Variants in NPAS1 observed in about 807,000 individuals in gnomAD.
NPAS1 encodes the protein neuronal PAS domain protein 1.
NPAS1 carries 29 observed loss-of-function variants against 49.2 expected under a neutral mutation model. The ratio of observed to expected loss-of-function variants is 0.59; its 90% CI spans 0.44 to 0.80. The LOEUF is 0.80. Ranked by LOEUF, NPAS1 falls within the 30% of genes least tolerant of loss-of-function variation. The pLI is 0.00. For synonymous variants in NPAS1, 408 were observed against 380.4 expected, an observed-to-expected ratio of 1.07 and a Z score of -0.84; for missense variants, 825 against 835.5, an observed-to-expected ratio of 0.99 and a Z score of 0.15.
intron 3 of NPAS1, among the ~76,000 whole-genome samples, chr19:47,024,456 T>G (rs752002182): frequency 2.4e-4 from 36 of 152,040 alleles, no homozygotes; most frequent in Non-Finnish European, 4.9e-4. Flanking sequence ...GTTCGAGACC[T>G]GCCTCGGCAA....
chr19:47,035,168 C>T (rs1319008430), intron 5 of NPAS1, among the ~76,000 whole-genome samples: 1 of 129,326 alleles, frequency 7.7e-6, no homozygotes, highest in Non-Finnish European at 1.8e-5. Flanking sequence ...GCAACAAGAG[C>T]AAAACTCCGT....
In NPAS1 at chr19:47,032,654, C is replaced by T; in HGVS notation, c.444C>T (p.Gly148=). The change falls in exon 5 of 12, where the codon GGC becomes GGT. Residue 148 remains glycine (G), a synonymous_variant. Transcript: ENST00000602212. Reference sequence around the variant, plus strand: ...TCTCCCGGCTCTAGTCCCTGGATGGCTTTGTGTTCGCCTTGAACCAGGAAG... The same window carrying T: ...TCTCCCGGCTCTAGTCCCTGGATGGTTTTGTGTTCGCCTTGAACCAGGAAG... The part of the protein sequence containing the change: ...LGGHILQSLD[G]FVFALNQEGK... 6.2e-7 allele frequency: 1 copy of T among 1,614,116 alleles called. No individual in the cohort carries two copies. The highest frequency in any genetic ancestry group is 1.1e-5 in the South Asian group (1 of 91,088).
At chr19:47,036,985 G>C (rs1047607647) in intron 6 of NPAS1, among the ~76,000 whole-genome samples, 1 of 151,646 alleles carries the variant, frequency 6.6e-6, no homozygotes, top group African/African-American at 2.4e-5. Context: ...TTGAGCCTTG[G>C]GGACAGAGGT....
chr19:47,030,011 TTTTGTTTTTGTTTTTG>T (rs2056895619), intron 3 of NPAS1, among the ~76,000 whole-genome samples: 1 of 152,022 alleles, frequency 6.6e-6, no homozygotes. Context: ...TTTTGTTTTG[TTTTGTTTTTGTTTTTG>T]TTTGTTTGTT....
At chr19:47,033,975 T>TAAAAAAAAA (rs532811476) in intron 5 of NPAS1, among the ~76,000 whole-genome samples, 2 of 100,824 alleles carry the variant, frequency 2.0e-5, no homozygotes, top group Non-Finnish European at 3.9e-5. Context: ...GGCTATGCCT[T>TAAAAAAAAA]AAAAAAAAAA....
chr19:47,020,893 G>GCCCCCCCCCCCCC, intron 1 of NPAS1, 113 bp from the exon 2 acceptor site: 1 of 385,912 alleles, frequency 2.6e-6, no homozygotes, highest in South Asian at 3.9e-5. Flanking sequence ...GCATCATCCA[G>GCCCCCCCCCCCCC]GCCCCCCCCC....
At position 47,040,549 on chromosome 19, in the gene NPAS1, CTG is replaced by C. The variant is rs1191401717; in HGVS notation, c.1069+2_1069+3del. The C allele has an allele frequency of 1.9e-6, 3 of 1,573,066 alleles. No homozygotes were observed. Among genetic ancestry groups the C allele is most frequent in the Non-Finnish European group, 2.6e-6 (3 of 1,158,196 alleles). On this transcript the variant is annotated splice_donor_variant and coding_sequence_variant, in exon 9 of 12. Transcript: ENST00000602212. LOFTEE classifies it high-confidence loss of function. Reference sequence around the variant, plus strand: ...CGAGGATCCGCCAGAGCCACGTGGACTGTGAGACCCACCTCCACCCACCAAGC... The same window carrying C: ...CGAGGATCCGCCAGAGCCACGTGGACTGAGACCCACCTCCACCCACCAAGC...
intron 6 of NPAS1, among the ~76,000 whole-genome samples, chr19:47,037,338 CAAAAAAAAAAAAAA>C (rs869125845): frequency 1.0e-3 from 52 of 51,790 alleles, no homozygotes; most frequent in African/African-American, 1.6e-3. Context: ...ACTCCGTCTC[CAAAAAAAAAAAAAA>C]AAAAAAAAAA....
intron 3 of NPAS1, among the ~76,000 whole-genome samples, chr19:47,026,533 G>A (rs1301122191): frequency 6.6e-6 from 1 of 152,324 alleles, no homozygotes; most frequent in South Asian, 2.1e-4. Context: ...TGGAACACAG[G>A]TGACATGGTC....
At position 47,021,879 on chromosome 19, in the gene NPAS1, G is replaced by C; in HGVS notation, c.358+32G>C. ...GCTCATGCGCGGGGCGAGGGTCCCG[G>C]GGCCCTCCAGGCGGAGTCACTGCAG... On this transcript the variant is annotated intron_variant, in intron 3 of 11. Transcript: ENST00000602212. This position sits in a 1 kb window ranked among gnomAD's most constrained non-coding sequence, Gnocchi z 5.7. The C allele has an allele frequency of 7.4e-7, 1 of 1,350,862 alleles. No individual in the cohort carries two copies. The highest frequency in any genetic ancestry group is 9.6e-7 in the Non-Finnish European group (1 of 1,037,538). The allele number at this position is 1,350,862 out of a possible 1,614,324, so 83.7% of individuals were successfully genotyped here.
chr19:47,021,939 A>G lies in NPAS1; in HGVS notation c.358+92A>G. ...GGGCTGCGGGCCTGCCCTCGCCCAG[A>G]TGCTTGTCTCTGGAGTCAGCCAGGA... On this transcript the variant is annotated intron_variant, in intron 3 of 11. Coordinates refer to ENST00000602212, the MANE Select transcript of NPAS1 (RefSeq NM_002517.4). The surrounding 1 kb of genome is among the most constrained non-coding windows in gnomAD (Gnocchi z 5.7). 1 of 816,906 alleles carries G rather than the reference A, an allele frequency of 1.2e-6. No homozygotes were observed. Among genetic ancestry groups the G allele is most frequent in the Non-Finnish European group, 1.8e-6 (1 of 568,878 alleles). 50.6% of individuals were successfully genotyped at this position (816,906 alleles called of 1,614,324 possible).
At chr19:47,020,476 ATCCCTGGGCAGGACACAGGATGGGGG>A in intron 1 of NPAS1, among the ~76,000 whole-genome samples, 1 of 150,266 alleles carries the variant, frequency 6.7e-6, no homozygotes, top group South Asian at 2.1e-4. Flanking sequence ...GGCTGGGGGG[ATCCCTGGGCAGGACACAGGATGGGGG>A]TCCCTGCCCT....
chr19:47,038,510 C>A (rs2056984516), intron 6 of NPAS1, among the ~76,000 whole-genome samples: 1 of 103,410 alleles, frequency 9.7e-6, no homozygotes, highest in Admixed American at 1.1e-4. Context: ...AGCGAGACTC[C>A]AGCTCAAAAA....
chr19:47,037,338 CAAAAAAAAAAAAAAAAAAA>C (rs869125845), intron 6 of NPAS1, among the ~76,000 whole-genome samples: 1 of 51,812 alleles, frequency 1.9e-5, no homozygotes, highest in Non-Finnish European at 3.5e-5. Flanking sequence ...ACTCCGTCTC[CAAAAAAAAAAAAAAAAAAA>C]AAAAAAAAAA....
At chr19:47,040,359 A>T (rs2057004683) in intron 8 of NPAS1, 85 bp from the exon 9 acceptor site, 1 of 856,996 alleles carries the variant, frequency 1.2e-6, no homozygotes, top group Non-Finnish European at 1.9e-6. Flanking sequence ...CAAGGGTGTG[A>T]ACCCCAGGGG....
At position 47,021,971 on chromosome 19, in the gene NPAS1, C is replaced by T. The variant is rs2056845304; in HGVS notation, c.358+124C>T. ...TCTCTGGAGTCAGCCAGGACCTTTG[C>T]GTGTCCCTATCAGGTGGCTTCTGCT... On this transcript the variant is annotated intron_variant, in intron 3 of 11. Transcript: ENST00000602212. The surrounding 1 kb of genome is among the most constrained non-coding windows in gnomAD (Gnocchi z 5.7). 3.4e-6 allele frequency: 2 copies of T among 582,780 alleles called. No homozygotes were observed. Among genetic ancestry groups the T allele is most frequent in the Non-Finnish European group, 5.5e-6 (2 of 362,324 alleles). The allele number at this position is 582,780 out of a possible 1,614,324, so 36.1% of individuals were successfully genotyped here. A position where few individuals can be genotyped will look rare whatever the true frequency, so the allele number is the denominator to read the frequency against.
chr19:47,044,453 TG>T (rs2057053905), intron 11 of NPAS1, among the ~76,000 whole-genome samples: 2 of 152,234 alleles, frequency 1.3e-5, no homozygotes, highest in African/African-American at 4.8e-5. Flanking sequence ...TGGCCACATG[TG>T]GCCAGTGGCT....
At chr19:47,042,721 C>A (rs2057034113) in intron 10 of NPAS1, 89 bp from the exon 11 acceptor site, 3 of 1,062,496 alleles carry the variant, frequency 2.8e-6, no homozygotes, top group South Asian at 3.3e-5. Flanking sequence ...GTGGGAGTGT[C>A]CACACATTGC....
intron 9 of NPAS1, 111 bp downstream of exon 9, chr19:47,040,661 G>A (rs2057009078): frequency 1.4e-6 from 1 of 702,656 alleles, no homozygotes; most frequent in Admixed American, 2.3e-5. Flanking sequence ...CCCTCCTGCT[G>A]CACCTACAGC....
Sources: allele counts gnomAD v4.1 joint callset (sites outside exome capture counted in the v4.1 genomes callset), GRCh38; gene constraint gnomAD v4.1.1; non-coding constraint Gnocchi (gnomAD v3.1); transcripts MANE v1.5; gene names NCBI Gene and HGNC (gene_info 2026-07-23, HGNC 2026-07-21).